The following GRID2 variants were observed in gnomAD, a reference collection of about 807,000 sequenced individuals.
GRID2 encodes the protein glutamate receptor ionotropic, delta-2.
GRID2 carries 33 observed loss-of-function variants against 114.8 expected under a neutral mutation model. That is an observed-to-expected ratio of 0.29 (90% confidence interval 0.22 to 0.38). The LOEUF is 0.38. Ranked by LOEUF, GRID2 falls within the 10% of genes least tolerant of loss-of-function variation. The pLI, the probability that GRID2 is intolerant of heterozygous loss-of-function variation, is 1.00. For missense variants in GRID2, 1,184 were observed against 1,257.7 expected (o/e 0.94, Z 0.89); for synonymous variants, 505 against 449.9 (o/e 1.12, Z -1.55).
At chr4:93,687,610 A>G (rs563181179) in intron 14 of GRID2, among the ~76,000 whole-genome samples, 1 of 152,162 alleles carries the variant, frequency 6.6e-6, no homozygotes, top group Non-Finnish European at 1.5e-5. Flanking sequence ...TTGATTTAAC[A>G]AATAAGATTT....
At chr4:93,131,145 ATTTTT>A (rs34215461) in intron 4 of GRID2, among the ~76,000 whole-genome samples, 19 of 88,728 alleles carry the variant, frequency 2.1e-4, no homozygotes, top group Admixed American at 4.3e-4. Context: ...AGATTAAATA[ATTTTT>A]TTTTTTTTTT....
chr4:93,397,962 T>C (rs1254886526), intron 9 of GRID2, among the ~76,000 whole-genome samples: 1 of 151,540 alleles, frequency 6.6e-6, no homozygotes, highest in Non-Finnish European at 1.5e-5. Flanking sequence ...ATGCAGAACC[T>C]GTGGATATGG....
At chr4:93,634,717 A>C (rs758088346) in intron 14 of GRID2, among the ~76,000 whole-genome samples, 1 of 152,138 alleles carries the variant, frequency 6.6e-6, no homozygotes, top group Non-Finnish European at 1.5e-5. Flanking sequence ...TTTTAATTGA[A>C]GAAGGCCATT....
intron 1 of GRID2, among the ~76,000 whole-genome samples, chr4:92,587,786 A>G (rs544244097): frequency 2.3e-4 from 35 of 152,304 alleles, no homozygotes; most frequent in Middle Eastern, 3.4e-3. Flanking sequence ...TATTAACCCA[A>G]GTTTAATGTT....
At chr4:93,314,150 C>A (rs2149194002) in intron 8 of GRID2, among the ~76,000 whole-genome samples, 1 of 151,604 alleles carries the variant, frequency 6.6e-6, no homozygotes, top group South Asian at 2.1e-4. Flanking sequence ...ACTAAAAATA[C>A]AAAAATTAGC....
At position 92,415,740 on chromosome 4, in the gene GRID2, G is replaced by GTATATATATA. The variant is rs70940888; in HGVS notation, c.88+111028_88+111037dup. On this transcript the variant is annotated intron_variant, in intron 1 of 15. Coordinates refer to ENST00000282020, the MANE Select transcript of GRID2 (RefSeq NM_001510.4). The stretch of plus-strand genomic sequence containing the variant: ...TGTGTGTGTGTGTGTGTGTATGTGT[G>GTATATATATA]TATATATATATATATATATATATAT... Among the ~76,000 whole-genome samples the GTATATATATA allele has an allele frequency of 2.0e-3, 163 of 82,162 alleles. 1 individual carries two copies. The highest frequency in any genetic ancestry group is 2.9e-3 in the Non-Finnish European group (120 of 41,602). The allele number at this position is 82,162 out of a possible 152,430, so 53.9% of individuals were successfully genotyped here. A position where few individuals can be genotyped will look rare whatever the true frequency, so the allele number is the denominator to read the frequency against.
chr4:92,414,167 G>C (rs1029347318), intron 1 of GRID2, among the ~76,000 whole-genome samples: 1 of 152,248 alleles, frequency 6.6e-6, no homozygotes, highest in South Asian at 2.1e-4. Flanking sequence ...GTATCTTACT[G>C]TCTGAGACAA....
chr4:93,770,714 A>T (rs1385097943), intron 15 of GRID2, among the ~76,000 whole-genome samples: 1 of 152,222 alleles, frequency 6.6e-6, no homozygotes, highest in Non-Finnish European at 1.5e-5. Flanking sequence ...GACCACATTA[A>T]TGCAACATTA....
chr4:93,017,811 A>G (rs1722900001), intron 2 of GRID2, among the ~76,000 whole-genome samples: 1 of 149,910 alleles, frequency 6.7e-6, no homozygotes, highest in East Asian at 1.9e-4. Flanking sequence ...TTCAAGAAAA[A>G]AAAAAAAAAA....
rs79063825 is a variant in GRID2 at position 93,012,427 on chromosome 4, A to T, written c.245-72568A>T. Among the ~76,000 whole-genome samples the T allele has an allele frequency of 1.6e-4, 25 of 152,190 alleles. No homozygotes were observed. In the East Asian group the frequency reaches 4.7e-3, roughly 28 times the overall value. ...TCTACATTTTGATTATCCACACCAA[A>T]ATAAAATCTATGAAAACACCTGTAC... On this transcript the variant is annotated intron_variant, in intron 2 of 15. Transcript: ENST00000282020.
chr4:93,453,279 C>T (rs1378717988), intron 10 of GRID2, among the ~76,000 whole-genome samples: 1 of 148,104 alleles, frequency 6.8e-6, no homozygotes, highest in Non-Finnish European at 1.5e-5. Flanking sequence ...GAGTGAAGCA[C>T]CTCTTTAGGA....
intron 8 of GRID2, among the ~76,000 whole-genome samples, chr4:93,265,073 G>A (rs772834165): frequency 4.0e-5 from 6 of 151,864 alleles, no homozygotes; most frequent in Admixed American, 6.6e-5. Flanking sequence ...GAGCCACCGC[G>A]CCTGGCCTAA....
chr4:93,654,533 A>G (rs956266787), intron 14 of GRID2, among the ~76,000 whole-genome samples: 1 of 152,186 alleles, frequency 6.6e-6, no homozygotes, highest in Admixed American at 6.5e-5. Flanking sequence ...AACTGCCTTG[A>G]TTGCTATTAT....
chr4:93,170,057 A>C (rs925634559), intron 4 of GRID2, among the ~76,000 whole-genome samples: 2 of 152,174 alleles, frequency 1.3e-5, no homozygotes, highest in Non-Finnish European at 2.9e-5. Context: ...ATTAGATTTC[A>C]AGTAAAACAA....
chr4:92,505,825 A>G (rs1481117706), intron 1 of GRID2, among the ~76,000 whole-genome samples: 1 of 151,998 alleles, frequency 6.6e-6, no homozygotes, highest in Non-Finnish European at 1.5e-5. Flanking sequence ...ATTGATATAC[A>G]CTTCTAAATA....
intron 1 of GRID2, among the ~76,000 whole-genome samples, chr4:92,334,546 A>G (rs1727066082): frequency 6.6e-6 from 1 of 152,068 alleles, no homozygotes; most frequent in Admixed American, 6.6e-5. Flanking sequence ...CAGAAGGGCA[A>G]GAGCACATGA....
chr4:92,822,103 C>T (rs534264602), intron 2 of GRID2: 80 of 321,086 alleles, frequency 2.5e-4, no homozygotes, highest in South Asian at 1.5e-3. Flanking sequence ...CTGCAGATTC[C>T]GATAACTTCT....
At chr4:93,350,492 C>G (rs531940947) in intron 8 of GRID2, among the ~76,000 whole-genome samples, 1 of 152,060 alleles carries the variant, frequency 6.6e-6, no homozygotes, top group Admixed American at 6.6e-5. Context: ...AGATAAGATG[C>G]AGATTGTGAT....
intron 2 of GRID2, among the ~76,000 whole-genome samples, chr4:92,649,320 G>A (rs1192802385): frequency 6.7e-6 from 1 of 149,928 alleles, no homozygotes; most frequent in Non-Finnish European, 1.5e-5. Context: ...AGAACCAGAC[G>A]AGGCAATGTT....
Sources: allele counts gnomAD v4.1 joint callset (sites outside exome capture counted in the v4.1 genomes callset), GRCh38; gene constraint gnomAD v4.1.1; transcripts MANE v1.5; gene names NCBI Gene and HGNC (gene_info 2026-07-23, HGNC 2026-07-21).